The following ASB1 variants were observed in gnomAD, a reference collection of about 807,000 sequenced individuals.
ASB1 encodes ankyrin repeat and SOCS box protein 1.
In ASB1, 18 loss-of-function variants were observed where a neutral mutation model predicts 27.7. The observed-to-expected ratio is 0.65, with a 90% confidence interval of 0.45 to 0.96. The LOEUF (loss-of-function observed/expected upper bound fraction) is 0.96. Among genes scored for constraint, ASB1 ranks in the 50% least tolerant of loss-of-function variants. The pLI is 0.00. For missense variants in ASB1, 397 were observed against 451.7 expected, an observed-to-expected ratio of 0.88 and a Z score of 1.10; for synonymous variants, 189 against 187.6, an observed-to-expected ratio of 1.01 and a Z score of -0.06.
intron 1 of ASB1, among the ~76,000 whole-genome samples, chr2:238,431,958 T>G (rs960378937): frequency 6.6e-6 from 1 of 152,202 alleles, no homozygotes; most frequent in African/African-American, 2.4e-5. Context: ...AGACACAAAA[T>G]GGACACATCC....
intron 1 of ASB1, among the ~76,000 whole-genome samples, chr2:238,430,058 A>G (rs994504110): frequency 2.0e-4 from 30 of 152,288 alleles, no homozygotes; most frequent in African/African-American, 6.7e-4. Context: ...GTGAGTCACA[A>G]TCTTTTTGCT....
intron 1 of ASB1, among the ~76,000 whole-genome samples, chr2:238,430,926 C>T (rs972668553): frequency 2.0e-5 from 3 of 152,228 alleles, no homozygotes; most frequent in African/African-American, 7.2e-5. Context: ...GATGTGCTGC[C>T]ACCTGGGCTT....
Position 238,450,946 on chromosome 2 carries a change from G to A in ASB1, c.*4435G>A, listed in dbSNP as rs1202047440. 3 of 151,628 alleles carry A rather than the reference G, an allele frequency of 2.0e-5. No homozygotes were observed. Among genetic ancestry groups the A allele is most frequent in the Non-Finnish European group, 1.5e-5 (1 of 67,838 alleles). The allele number at this position is 151,628 out of a possible 1,614,324, so 9.4% of individuals were successfully genotyped here. ...TGGGATTGGCCTCCTGGAAGTACCT[G>A]TTTGGGCCATGTGACCTCCTTTCTC... is the stretch of plus-strand genomic sequence containing the variant. On this transcript the variant is annotated 3_prime_UTR_variant, in exon 5 of 5. Coordinates refer to ENST00000264607, the MANE Select transcript of ASB1 (RefSeq NM_001040445.3).
intron 3 of ASB1, among the ~76,000 whole-genome samples, chr2:238,439,683 G>A (rs927279873): frequency 6.6e-6 from 1 of 152,202 alleles, no homozygotes; most frequent in Non-Finnish European, 1.5e-5. Context: ...TGTTGACTCA[G>A]ATTAGAGTCA....
chr2:238,428,730 T>C (rs1038164003), intron 1 of ASB1, among the ~76,000 whole-genome samples: 1 of 152,226 alleles, frequency 6.6e-6, no homozygotes, highest in African/African-American at 2.4e-5. Context: ...ATTGGAGTAG[T>C]TGATCAGCGA....
rs1409081025 is a variant in ASB1, at chr2:238,452,169, CGGTG to C, written c.*5661_*5664del. 5 of 152,116 alleles carry C rather than the reference CGGTG, an allele frequency of 3.3e-5. No individual in the cohort carries two copies. The highest frequency in any genetic ancestry group is 3.3e-4 in the Admixed American group (5 of 15,250). The allele number at this position is 152,116 out of a possible 1,614,324, so 9.4% of individuals were successfully genotyped here. ...TGTTGTTACATGGGACCTGTTTTGACGGTGGGAGGGTGAGATGTGAAGATGTGGG... is the reference window on the plus strand; with the variant it reads ...TGTTGTTACATGGGACCTGTTTTGACGGAGGGTGAGATGTGAAGATGTGGG... On this transcript the variant is annotated 3_prime_UTR_variant, in exon 5 of 5. Coordinates refer to ENST00000264607, the MANE Select transcript of ASB1 (RefSeq NM_001040445.3).
Position 238,435,910 on chromosome 2 carries a change from C to T in ASB1, c.391C>T (p.Leu131Phe). 6.2e-7 allele frequency: 1 copy of T among 1,614,228 alleles called. No individual in the cohort carries two copies. Among genetic ancestry groups the T allele is most frequent in the South Asian group, 1.1e-5 (1 of 91,086 alleles). The change falls in exon 3 of 5, where the codon CTC becomes TTC. Residue 131 changes from leucine to phenylalanine, a missense_variant. By Grantham distance (22) the Leu-to-Phe change is conservative (BLOSUM62 0). Transcript: ENST00000264607. Reference sequence around the variant, plus strand: ...GCACCTAGAGAGTACCCAGATCCTTCTCGAAGCTGGCGCGGACCCCAACGG... The same window carrying T: ...GCACCTAGAGAGTACCCAGATCCTTTTCGAAGCTGGCGCGGACCCCAACGG... The part of the protein sequence containing the change: ...NGHLESTQIL[L>F]EAGADPNGSR...
chr2:238,444,797 C>G, intron 4 of ASB1, 70 bp downstream of exon 4: 1 of 1,484,706 alleles, frequency 6.7e-7, no homozygotes, highest in Non-Finnish European at 8.9e-7. Flanking sequence ...TAGCAATAAA[C>G]AAAAAACAAA....
intron 4 of ASB1, 70 bp downstream of exon 4, chr2:238,444,797 C>T (rs1470432882): frequency 6.7e-7 from 1 of 1,484,586 alleles, no homozygotes; most frequent in Non-Finnish European, 8.9e-7. Flanking sequence ...TAGCAATAAA[C>T]AAAAAACAAA....
At chr2:238,427,764 G>T (rs950816960) in intron 1 of ASB1, 9 of 152,458 alleles carry the variant, frequency 5.9e-5, no homozygotes, top group African/African-American at 2.2e-4. Flanking sequence ...TGAAGGAAGC[G>T]GTCAGGACAG....
In ASB1 at chr2:238,444,470, T is replaced by G; in HGVS notation, c.623T>G (p.Phe208Cys). 6.2e-7 allele frequency: 1 copy of G among 1,614,214 alleles called. No homozygotes were observed. Among genetic ancestry groups the G allele is most frequent in the Non-Finnish European group, 8.5e-7 (1 of 1,180,040 alleles). The change falls in exon 4 of 5, where the codon TTC becomes TGC. Residue 208 changes from phenylalanine (F) to cysteine (C), a missense_variant. Phe to Cys is a radical substitution (Grantham distance 205). Coordinates refer to ENST00000264607, the MANE Select transcript of ASB1 (RefSeq NM_001040445.3). ...ISAAYHNLQC[F>C]RLLLLAGANP... ...GCAGCCTACCACAACCTCCAGTGCT[T>G]CCGGCTGCTCCTCCTGGCTGGCGCG... is the stretch of plus-strand genomic sequence containing the variant.
chr2:238,427,667 G>C (rs1379984288), intron 1 of ASB1: 1 of 152,626 alleles, frequency 6.6e-6, no homozygotes, highest in African/African-American at 2.4e-5. Flanking sequence ...ACCAGCAAGG[G>C]AGGCAGATAG....
chr2:238,430,879 A>G (rs1316635724), intron 1 of ASB1, among the ~76,000 whole-genome samples: 3 of 152,220 alleles, frequency 2.0e-5, no homozygotes, highest in Non-Finnish European at 4.4e-5. Context: ...AAGTCTCAAC[A>G]TTGGGCTGAA....
chr2:238,429,124 C>T (rs969516060), intron 1 of ASB1, among the ~76,000 whole-genome samples: 2 of 152,112 alleles, frequency 1.3e-5, no homozygotes, highest in Non-Finnish European at 2.9e-5. Flanking sequence ...TTACTCATCA[C>T]CCCCGTTTCA....
At chr2:238,439,504 C>T (rs991320610) in intron 3 of ASB1, among the ~76,000 whole-genome samples, 1 of 152,156 alleles carries the variant, frequency 6.6e-6, no homozygotes, top group Admixed American at 6.5e-5. Flanking sequence ...TGGAAGGTGA[C>T]GCAGTTCTGT....
At position 238,444,484 on chromosome 2, in the gene ASB1, C is replaced by A. The variant is rs755171353; in HGVS notation, c.637C>A (p.Leu213Met). ...CCTCCAGTGCTTCCGGCTGCTCCTC[C>A]TGGCTGGCGCGAACCCTGACTTCAA... ...HNLQCFRLLL[L>M]AGANPDFNCN... is the part of the protein sequence containing the mutation. The change falls in exon 4 of 5, where the codon CTG (leucine) becomes ATG (methionine). Residue 213 changes from leucine to methionine, a missense_variant. By Grantham distance (15) the Leu-to-Met change is conservative (BLOSUM62 2). Transcript: ENST00000264607. The A allele has an allele frequency of 3.1e-6, 5 of 1,614,110 alleles. No individual in the cohort carries two copies. The African/African-American group carries it at 6.7e-5, about 22-fold the overall frequency.
intron 1 of ASB1, among the ~76,000 whole-genome samples, chr2:238,432,646 C>T (rs190323074): frequency 2.2e-4 from 34 of 152,294 alleles, no homozygotes; most frequent in Non-Finnish European, 4.3e-4. Flanking sequence ...TGTTCTCCTT[C>T]ATAGTTGCCC....
chr2:238,428,203 C>T (rs544454610), intron 1 of ASB1, among the ~76,000 whole-genome samples: 1 of 152,188 alleles, frequency 6.6e-6, no homozygotes, highest in South Asian at 2.1e-4. Flanking sequence ...CGGAATGATG[C>T]GTGTTCCGTG....
chr2:238,432,996 T>G (rs1701899564), intron 1 of ASB1, among the ~76,000 whole-genome samples: 1 of 152,226 alleles, frequency 6.6e-6, no homozygotes, highest in Non-Finnish European at 1.5e-5. Flanking sequence ...TCTGCCCGCC[T>G]CGGCCTCTCA....
Sources: allele counts gnomAD v4.1 joint callset (sites outside exome capture counted in the v4.1 genomes callset), GRCh38; gene constraint gnomAD v4.1.1; transcripts MANE v1.5; gene names NCBI Gene and HGNC (gene_info 2026-07-23, HGNC 2026-07-21).